The following SORCS3 variants were observed in gnomAD, a reference collection of about 807,000 sequenced individuals.
The protein encoded by SORCS3 is sortilin related VPS10 domain containing receptor 3, also known as VPS10 domain-containing receptor SorCS3.
In SORCS3, 57 loss-of-function variants were observed where a neutral mutation model predicts 146.3. The ratio of observed to expected loss-of-function variants is 0.39; its 90% confidence interval spans 0.31 to 0.49. The LOEUF (loss-of-function observed/expected upper bound fraction) is 0.49. Among genes scored for constraint, SORCS3 ranks in the 20% least tolerant of loss-of-function variants. SORCS3 has a pLI of 0.92. For synonymous variants in SORCS3, 653 were observed against 618.5 expected (o/e 1.06, Z -0.83); for missense variants, 1,341 against 1,575.5 (o/e 0.85, Z 2.52).
chr10:105,116,670 AT>A (rs2055895637), intron 7 of SORCS3, among the ~76,000 whole-genome samples: 1 of 152,142 alleles, frequency 6.6e-6, no homozygotes, highest in African/African-American at 2.4e-5. Flanking sequence ...TTAAAAAAAA[AT>A]GGCACATATA....
intron 2 of SORCS3, among the ~76,000 whole-genome samples, chr10:104,869,931 G>A (rs1360688187): frequency 6.6e-6 from 1 of 152,138 alleles, no homozygotes; most frequent in African/African-American, 2.4e-5. Flanking sequence ...ATTGTACCTT[G>A]GTTTCCTCAT....
rs911832719 is a variant in SORCS3, at chr10:104,699,598, T to G, written c.627+57644T>G. 1.6e-4 allele frequency among the ~76,000 whole-genome samples: 24 copies of G among 152,212 alleles called. No individual in the cohort carries two copies. The East Asian group carries it at 4.1e-3, about 26-fold the overall frequency. ...CCTTAGAAAACTACCTTTGGAGATG[T>G]GTGGAAGTAGGAATATGATGGCATG... On this transcript the variant is annotated intron_variant, in intron 1 of 26. Transcript: ENST00000369701.
At chr10:105,192,145 A>G (rs927368359) in intron 14 of SORCS3, among the ~76,000 whole-genome samples, 1 of 152,178 alleles carries the variant, frequency 6.6e-6, no homozygotes, top group Non-Finnish European at 1.5e-5. Context: ...GAAACCTCAT[A>G]CATTTGGAAA....
At chr10:104,934,463 G>T (rs1197465367) in intron 3 of SORCS3, among the ~76,000 whole-genome samples, 1 of 152,188 alleles carries the variant, frequency 6.6e-6, no homozygotes, top group African/African-American at 2.4e-5. Context: ...TTGTGTCCCT[G>T]AGTGTTGCTT....
chr10:105,092,881 T>C (rs576274890), intron 6 of SORCS3, among the ~76,000 whole-genome samples: 69 of 152,304 alleles, frequency 4.5e-4, no homozygotes, highest in African/African-American at 1.6e-3. Flanking sequence ...GATGATGAGA[T>C]ACTGAATGCT....
Position 104,852,966 on chromosome 10 carries a change from G to A in SORCS3, c.695+10107G>A, listed in dbSNP as rs530937376. Among the ~76,000 whole-genome samples the A allele has an allele frequency of 2.6e-5, 4 of 152,260 alleles. No individual in the cohort carries two copies. In the South Asian group the frequency reaches 6.2e-4, roughly 24 times the overall value. ...TAAGCCTTATGAGGGTCAGTTGGCC[G>A]TCAGGAATCTAGGTTCTGGTGGGGA... On this transcript the variant is annotated intron_variant, in intron 2 of 26. Transcript: ENST00000369701.
At chr10:105,015,629 G>A (rs1037035293) in intron 4 of SORCS3, among the ~76,000 whole-genome samples, 3 of 152,144 alleles carry the variant, frequency 2.0e-5, no homozygotes, top group Non-Finnish European at 4.4e-5. Flanking sequence ...GCAAAGAGAC[G>A]ATGGGGACAA....
At chr10:105,235,470 G>T (rs1589702068) in intron 20 of SORCS3, among the ~76,000 whole-genome samples, 1 of 138,774 alleles carries the variant, frequency 7.2e-6, no homozygotes. Context: ...GTGTGTGTGT[G>T]TTTTGAAAAC....
intron 2 of SORCS3, among the ~76,000 whole-genome samples, chr10:104,908,434 A>G (rs879613425): frequency 6.6e-6 from 1 of 152,242 alleles, no homozygotes; most frequent in Non-Finnish European, 1.5e-5. Context: ...ATAAGCATTT[A>G]TGGAACAAGG....
chr10:105,094,342 G>A (rs1355793240), intron 6 of SORCS3, among the ~76,000 whole-genome samples: 1 of 152,168 alleles, frequency 6.6e-6, no homozygotes, highest in South Asian at 2.1e-4. Flanking sequence ...AACTCACTGT[G>A]TGTACATTGA....
chr10:104,969,498 A>G (rs1317126220), intron 3 of SORCS3, among the ~76,000 whole-genome samples: 2 of 152,296 alleles, frequency 1.3e-5, no homozygotes, highest in East Asian at 1.9e-4. Context: ...ATAAAAAATC[A>G]GGTAAAATGC....
At chr10:104,725,753 G>A (rs1047971742) in intron 1 of SORCS3, among the ~76,000 whole-genome samples, 10 of 152,236 alleles carry the variant, frequency 6.6e-5, no homozygotes, top group South Asian at 6.2e-4. Flanking sequence ...GCGAGGCTCC[G>A]TGGGCATAGG....
chr10:104,667,821 A>T lies in SORCS3; in HGVS notation c.627+25867A>T, dbSNP rs143693450. On this transcript the variant is annotated intron_variant, in intron 1 of 26. Coordinates refer to ENST00000369701, the MANE Select transcript of SORCS3 (RefSeq NM_014978.3). ...AATACAACTGGTCCAAGTCTGTAGG[A>T]TGGTGTCAGCTTAGTGCTTCACAGG... is the stretch of plus-strand genomic sequence containing the variant. 8.4e-3 allele frequency among the ~76,000 whole-genome samples: 1,273 copies of T among 152,270 alleles called. 13 individuals carry two copies. The highest frequency in any genetic ancestry group is 0.015 in the Admixed American group (231 of 15,300).
intron 2 of SORCS3, among the ~76,000 whole-genome samples, chr10:104,872,747 C>G (rs1170365383): frequency 6.6e-6 from 1 of 152,000 alleles, no homozygotes; most frequent in Non-Finnish European, 1.5e-5. Context: ...GCTCTATCTC[C>G]TCTGTGTCTG....
At chr10:105,142,811 G>T (rs2056104846) in intron 8 of SORCS3, among the ~76,000 whole-genome samples, 1 of 151,898 alleles carries the variant, frequency 6.6e-6, no homozygotes, top group African/African-American at 2.4e-5. Flanking sequence ...CCTAAGTCTG[G>T]GTTCATTTTT....
intron 8 of SORCS3, among the ~76,000 whole-genome samples, chr10:105,144,020 A>G (rs1230860731): frequency 2.6e-5 from 4 of 152,104 alleles, no homozygotes; most frequent in South Asian, 4.2e-4. Context: ...AAGGATCCCT[A>G]TCCTCTCTAA....
chr10:105,105,040 G>T (rs1422662999), intron 6 of SORCS3, among the ~76,000 whole-genome samples: 1 of 152,100 alleles, frequency 6.6e-6, no homozygotes, highest in Non-Finnish European at 1.5e-5. Context: ...TAGAGAATTA[G>T]AATTCTCTAA....
rs113698195 is a variant in SORCS3 at position 104,915,823 on chromosome 10, T to G, written c.696-10T>G. On this transcript the variant is annotated splice_polypyrimidine_tract_variant and intron_variant, in intron 2 of 26. Transcript: ENST00000369701. ...GATCTCTCCCTCTCTGTTTTCTCTT[T>G]TACCTGCAGGTCGACAGATTATGGC... 8.3e-4 allele frequency: 1,337 copies of G among 1,613,344 alleles called. 13 individuals carry two copies. The African/African-American group carries it at 0.013, about 16-fold the overall frequency.
At chr10:105,157,637 C>T (rs2119497738) in intron 10 of SORCS3, among the ~76,000 whole-genome samples, 1 of 152,254 alleles carries the variant, frequency 6.6e-6, no homozygotes, top group Middle Eastern at 3.4e-3. Context: ...TTGGTAAATG[C>T]TTGCTAGATG....
Sources: allele counts gnomAD v4.1 joint callset (sites outside exome capture counted in the v4.1 genomes callset), GRCh38; gene constraint gnomAD v4.1.1; transcripts MANE v1.5; gene names NCBI Gene and HGNC (gene_info 2026-07-23, HGNC 2026-07-21).